SRCIN1: variants seen among roughly 807,000 people sequenced by gnomAD.
The protein encoded by SRCIN1 is P130Cas-associated protein.
SRCIN1 carries 50 observed loss-of-function variants against 116.2 expected under a neutral mutation model. The ratio of observed to expected loss-of-function variants is 0.43; its 90% CI spans 0.34 to 0.54. SRCIN1 has a LOEUF of 0.54. SRCIN1 is among the 20% of genes least tolerant of loss of function. The pLI is 0.02. For synonymous variants in SRCIN1, 736 were observed against 750.0 expected, an observed-to-expected ratio of 0.98 and a Z score of 0.30; for missense variants, 1,446 against 1,672.0, an observed-to-expected ratio of 0.86 and a Z score of 2.36.
chr17:38,559,806 C>T (rs748733934), intron 9 of SRCIN1, 34 bp from the exon 10 acceptor site: 1 of 1,472,058 alleles, frequency 6.8e-7, no homozygotes, highest in South Asian at 1.4e-5. Context: ...AGAAAGTGAA[C>T]AAACTGTGAG....
rs1905934558 is a variant in SRCIN1 at position 38,558,246 on chromosome 17, G to A, written c.2182C>T (p.Leu728Phe). 1.2e-6 allele frequency: 2 copies of A among 1,612,876 alleles called. No homozygotes were observed. Residue 728 changes from leucine to phenylalanine, a missense_variant, in exon 11 of 19, where the codon CTT becomes TTT. Transcript: ENST00000617146. The surrounding 1 kb of genome is among the most constrained non-coding windows in gnomAD (Gnocchi z 4.6). ...CCTCACTTGAGCTGCTGGGTAATAA[G>A]CTCCTCGTCGTTGAGATAGCGCAGC... ...ERLRYLNDEE[L>F]ITQQLNDLEK...
intron 1 of SRCIN1, among the ~76,000 whole-genome samples, chr17:38,598,812 C>T (rs981817740): frequency 6.6e-6 from 1 of 152,164 alleles, no homozygotes; most frequent in East Asian, 1.9e-4. Context: ...TTATAGTCCC[C>T]GGATGGAATG....
chr17:38,549,708 G>C (rs1307829327), intron 15 of SRCIN1, among the ~76,000 whole-genome samples: 3 of 152,158 alleles, frequency 2.0e-5, no homozygotes, highest in African/African-American at 7.2e-5. Context: ...TGCTTCCGGG[G>C]TAACCTGCAG....
intron 18 of SRCIN1, among the ~76,000 whole-genome samples, chr17:38,534,517 A>T (rs542421080): frequency 1.3e-5 from 2 of 152,316 alleles, no homozygotes; most frequent in South Asian, 2.1e-4. Context: ...ACCCAGATTT[A>T]AAAAAAGATC....
At chr17:38,598,258 C>A (rs1908829357) in intron 1 of SRCIN1, among the ~76,000 whole-genome samples, 1 of 152,066 alleles carries the variant, frequency 6.6e-6, no homozygotes, top group African/African-American at 2.4e-5. Flanking sequence ...AGCAGACAGC[C>A]CAGGAGAGAA....
In SRCIN1 at chr17:38,562,443, GCCCT is replaced by G; in HGVS notation, c.835-119_835-116del. On this transcript the variant is annotated intron_variant, in intron 6 of 18. Coordinates refer to ENST00000617146, the MANE Select transcript of SRCIN1 (RefSeq NM_025248.3). The surrounding 1 kb of genome is among the most constrained non-coding windows in gnomAD (Gnocchi z 4.2). Reference sequence around the variant, plus strand: ...GCTTAGGAAGTCCCTTCTGCTCTCTGCCCTCCCTCCATCCTGCTGCGTCTAGGGT... The same window carrying G: ...GCTTAGGAAGTCCCTTCTGCTCTCTGCCCTCCATCCTGCTGCGTCTAGGGT... 2 of 1,204,660 alleles carry G rather than the reference GCCCT, an allele frequency of 1.7e-6. No individual in the cohort carries two copies. The highest frequency in any genetic ancestry group is 2.2e-6 in the Non-Finnish European group (2 of 912,908). The allele number at this position is 1,204,660 out of a possible 1,614,324, so 74.6% of individuals were successfully genotyped here.
At position 38,552,590 on chromosome 17, in the gene SRCIN1, G is replaced by A. The variant is rs145729990; in HGVS notation, c.2337C>T (p.His779=). Residue 779 remains histidine (H), a synonymous_variant, in exon 13 of 19, where the codon CAC becomes CAT. Coordinates refer to ENST00000617146, the MANE Select transcript of SRCIN1 (RefSeq NM_025248.3). The surrounding 1 kb of genome is among the most constrained non-coding windows in gnomAD (Gnocchi z 5.3). ...LGETLTELKA[H]FPGLQSKMRV... is the part of the protein sequence containing the mutation. ...GCATCTTGCTCTGCAGGCCCGGGAA[G>A]TGAGCTGAGGAGACAGGAAGGCATG... The A allele has an allele frequency of 3.1e-4, 507 of 1,612,308 alleles. No individual in the cohort carries two copies. The highest frequency in any genetic ancestry group is 4.0e-4 in the Non-Finnish European group (469 of 1,179,544).
intron 1 of SRCIN1, among the ~76,000 whole-genome samples, chr17:38,587,895 G>A (rs1168692004): frequency 6.6e-6 from 1 of 152,040 alleles, no homozygotes; most frequent in Non-Finnish European, 1.5e-5. Flanking sequence ...CCCGTGCCCA[G>A]AATTCCAGAT....
At position 38,552,193 on chromosome 17, in the gene SRCIN1, A is replaced by G. The variant is rs1429763507; in HGVS notation, c.2481-61T>C. 1.3e-5 allele frequency: 20 copies of G among 1,556,690 alleles called. No individual in the cohort carries two copies. The highest frequency in any genetic ancestry group is 1.7e-5 in the Non-Finnish European group (20 of 1,148,202). ...AGCAGGTGGTGACCCTTCTGCAGGA[A>G]GGCTGCTCTGAGGGAGGTGGGGTGG... is the stretch of plus-strand genomic sequence containing the variant. On this transcript the variant is annotated intron_variant, in intron 13 of 18. Transcript: ENST00000617146. The surrounding 1 kb of genome is among the most constrained non-coding windows in gnomAD (Gnocchi z 5.3).
At chr17:38,589,821 G>A (rs975564380) in intron 1 of SRCIN1, among the ~76,000 whole-genome samples, 12 of 152,272 alleles carry the variant, frequency 7.9e-5, no homozygotes, top group East Asian at 3.9e-4. Context: ...ACAAACAGCC[G>A]AATCTGCAGC....
chr17:38,547,097 G>C (rs1222019236), intron 17 of SRCIN1, among the ~76,000 whole-genome samples: 1 of 152,244 alleles, frequency 6.6e-6, no homozygotes, highest in Non-Finnish European at 1.5e-5. Context: ...ACATTAGAGA[G>C]AAGGAAGAAT....
chr17:38,543,911 T>C lies in SRCIN1; in HGVS notation c.3329A>G (p.Lys1110Arg), dbSNP rs1455518925. Residue 1110 changes from lysine to arginine, a missense_variant, in exon 18 of 19, where the codon AAG becomes AGG. By Grantham distance (26) the Lys-to-Arg change is conservative. This residue lies in a region of SRCIN1 where 531 missense variants were observed against 633.9 expected (regional missense o/e 0.84). Transcript: ENST00000617146. ...KVVTPGASRL[K>R]AAQGQAGSPD... is the part of the protein sequence containing the mutation. ...GCTGCCCGCCTGGCCCTGGGCCGCC[T>C]TCAGCCGAGAGGCCCCCGGAGTCAC... The C allele has an allele frequency of 1.9e-6, 3 of 1,604,330 alleles. No homozygotes were observed. The highest frequency in any genetic ancestry group is 2.5e-6 in the Non-Finnish European group (3 of 1,179,032).
At chr17:38,549,907 G>A (rs1241536218) in intron 15 of SRCIN1, among the ~76,000 whole-genome samples, 1 of 152,154 alleles carries the variant, frequency 6.6e-6, no homozygotes, top group Non-Finnish European at 1.5e-5. Flanking sequence ...GTTTGCACAC[G>A]CTGTTCCCTC....
intron 2 of SRCIN1, among the ~76,000 whole-genome samples, chr17:38,574,473 TG>T (rs1435244190): frequency 6.6e-6 from 1 of 152,000 alleles, no homozygotes; most frequent in Non-Finnish European, 1.5e-5. Context: ...GTGGGACATC[TG>T]GGGAAGGCTG....
At position 38,530,305 on chromosome 17, in the gene SRCIN1, A is replaced by T. The variant is rs1296998467; in HGVS notation, c.*2992T>A. The T allele has an allele frequency of 2.0e-5, 3 of 151,460 alleles. No individual in the cohort carries two copies. The South Asian group carries it at 6.3e-4, about 32-fold the overall frequency. The allele number at this position is 151,460 out of a possible 1,614,324, so 9.4% of individuals were successfully genotyped here. On this transcript the variant is annotated 3_prime_UTR_variant, in exon 19 of 19. Coordinates refer to ENST00000617146, the MANE Select transcript of SRCIN1 (RefSeq NM_025248.3). ...GCTCACCCCGGGGGGCCCCCTGGGG[A>T]CCCCACTCAGAGCCTCAGGCCTGAG...
chr17:38,597,444 A>C (rs1908784593), intron 1 of SRCIN1, among the ~76,000 whole-genome samples: 1 of 152,186 alleles, frequency 6.6e-6, no homozygotes, highest in Non-Finnish European at 1.5e-5. Context: ...AGTCAGACAG[A>C]GGAAGAGGAG....
In SRCIN1 at chr17:38,572,945, G is replaced by GGCCCCGCCGGCGCA; in HGVS notation, c.325-4728_325-4715dup. ...CTCTCGCGGCCCCCTCCCTCGGCGCGGCCCCGCCGGCGCAGCCCCGCAGAG... is the reference window on the plus strand; with the variant it reads ...CTCTCGCGGCCCCCTCCCTCGGCGCGGCCCCGCCGGCGCAGCCCCGCCGGCGCAGCCCCGCAGAG... On this transcript the variant is annotated intron_variant, in intron 2 of 18. Transcript: ENST00000617146. This position sits in a 1 kb window ranked among gnomAD's most constrained non-coding sequence, Gnocchi z 4.3. 1 of 151,802 alleles carries GGCCCCGCCGGCGCA rather than the reference G, an allele frequency of 6.6e-6. No individual in the cohort carries two copies. Among genetic ancestry groups the GGCCCCGCCGGCGCA allele is most frequent in the African/African-American group, 2.4e-5 (1 of 41,364 alleles). 9.4% of individuals were successfully genotyped at this position (151,802 alleles called of 1,614,324 possible). A position where few individuals can be genotyped will look rare whatever the true frequency, so the allele number is the denominator to read the frequency against.
chr17:38,533,345 G>A lies in SRCIN1; in HGVS notation c.3504C>T (p.Ile1168=), dbSNP rs1340335328. ...TTGCCCCAAAGGAAGTCAATACAGG[G>A]ATAGAGGTTCTGGAAGCCGAGGGCT... ...SEKPSASRTS[I]PVLTSFGARN... is the part of the protein sequence containing the mutation. The change falls in exon 19 of 19, where the codon ATC becomes ATT. Residue 1168 remains isoleucine (I), a synonymous_variant. Coordinates refer to ENST00000617146, the MANE Select transcript of SRCIN1 (RefSeq NM_025248.3). The A allele has an allele frequency of 4.4e-6, 7 of 1,602,496 alleles. No homozygotes were observed. Among genetic ancestry groups the A allele is most frequent in the Non-Finnish European group, 6.0e-6 (7 of 1,174,594 alleles).
chr17:38,549,193 G>T lies in SRCIN1; in HGVS notation c.2980C>A (p.Arg994=). 1 of 1,545,966 alleles carries T rather than the reference G, an allele frequency of 6.5e-7. No homozygotes were observed. The highest frequency in any genetic ancestry group is 1.2e-5 in the South Asian group (1 of 81,798). ...RRGSDELTVP[R]YRTEKPSKSP... ...TTGGAGGGCTTCTCTGTGCGGTATC[G>T]GGGCACGGTCAACTCATCTGCAGGC... is the stretch of plus-strand genomic sequence containing the variant. The change falls in exon 16 of 19, where the codon CGA becomes AGA. Residue 994 remains arginine, a synonymous_variant. Transcript: ENST00000617146.
Sources: allele counts gnomAD v4.1 joint callset (sites outside exome capture counted in the v4.1 genomes callset), GRCh38; gene constraint gnomAD v4.1.1; regional missense constraint gnomAD v4.1.1; non-coding constraint Gnocchi (gnomAD v3.1); transcripts MANE v1.5; gene names NCBI Gene and HGNC (gene_info 2026-07-23, HGNC 2026-07-21).